The following MAP3K2 variants were observed in gnomAD, a reference collection of about 807,000 sequenced individuals.
MAP3K2 encodes MAP/ERK kinase kinase 2.
A neutral mutation model predicts 80.3 loss-of-function variants in MAP3K2; 24 were observed. The observed-to-expected ratio is 0.30, with a 90% CI of 0.22 to 0.42. MAP3K2 has a LOEUF of 0.42. Ranked by LOEUF, MAP3K2 falls within the 10% of genes least tolerant of loss-of-function variation. MAP3K2 has a pLI of 1.00. For missense variants in MAP3K2, 608 were observed against 750.1 expected (o/e 0.81, Z 2.21); for synonymous variants, 244 against 253.7 (o/e 0.96, Z 0.36).
intron 12 of MAP3K2, among the ~76,000 whole-genome samples, chr2:127,320,131 A>G (rs963097394): frequency 6.6e-6 from 1 of 152,212 alleles, no homozygotes; most frequent in Non-Finnish European, 1.5e-5. Flanking sequence ...GACACAAAAA[A>G]GCAACCCTTC....
Position 127,341,213 on chromosome 2 carries a change from T to C in MAP3K2, c.4+1913A>G, listed in dbSNP as rs533363492. Among the ~76,000 whole-genome samples the C allele has an allele frequency of 1.5e-3, 234 of 151,828 alleles. 1 individual carries two copies. Among genetic ancestry groups the C allele is most frequent in the African/African-American group, 5.2e-3 (216 of 41,398 alleles). On this transcript the variant is annotated intron_variant, in intron 2 of 16. Transcript: ENST00000682094. ...ACCGAGTTAGCCAGGTTGGTCTCGA[T>C]CTCCCGGCCTCGTGATCCGCCTGCC...
Position 127,378,024 on chromosome 2 carries a change from A to T in MAP3K2, c.-66+9428T>A, listed in dbSNP as rs1687179231. The T allele has an allele frequency of 3.1e-5, 7 of 226,200 alleles. No individual in the cohort carries two copies. The South Asian group carries it at 7.9e-4, about 26-fold the overall frequency. The allele number at this position is 226,200 out of a possible 1,614,324, so 14.0% of individuals were successfully genotyped here. Reference sequence around the variant, plus strand: ...AGCAACAAAAACTGTGAGACAAAAAATATTTTTAATAGATACTAGAGGGAA... The same window carrying T: ...AGCAACAAAAACTGTGAGACAAAAATTATTTTTAATAGATACTAGAGGGAA... On this transcript the variant is annotated intron_variant, in intron 1 of 16. Coordinates refer to ENST00000682094, the MANE Select transcript of MAP3K2 (RefSeq NM_001371910.2).
intron 1 of MAP3K2, among the ~76,000 whole-genome samples, chr2:127,380,973 G>A (rs1184198956): frequency 1.3e-5 from 2 of 152,184 alleles, no homozygotes; most frequent in African/African-American, 4.8e-5. Flanking sequence ...ATTCATAAAT[G>A]TTTACTAAAG....
intron 1 of MAP3K2, among the ~76,000 whole-genome samples, chr2:127,370,302 C>G (rs914618343): frequency 6.6e-6 from 1 of 152,222 alleles, no homozygotes; most frequent in African/African-American, 2.4e-5. Flanking sequence ...CCCACTCTTT[C>G]ACTGGCTTCC....
intron 1 of MAP3K2, 54 bp downstream of exon 1, chr2:127,387,398 G>GCGCACACACACACACACACACACACACA: frequency 2.6e-5 from 5 of 189,654 alleles, no homozygotes; most frequent in African/African-American, 1.4e-4. Flanking sequence ...ACACACGCGC[G>GCGCACACACACACACACACACACACACA]CACACACACA....
At chr2:127,317,935 A>T (rs955877408) in intron 13 of MAP3K2, among the ~76,000 whole-genome samples, 175 bp from the exon 14 acceptor site, 2 of 152,316 alleles carry the variant, frequency 1.3e-5, no homozygotes, top group African/African-American at 4.8e-5. Flanking sequence ...TGCTAAAGCA[A>T]CACTGACTCA....
At chr2:127,317,598 T>C (rs973207826) in intron 14 of MAP3K2, 31 bp downstream of exon 14, 4 of 1,484,648 alleles carry the variant, frequency 2.7e-6, no homozygotes, top group East Asian at 2.5e-5. Flanking sequence ...TTAAATAGAA[T>C]GTGTATTTTC....
intron 1 of MAP3K2, among the ~76,000 whole-genome samples, chr2:127,360,393 T>C (rs1686864629): frequency 6.6e-6 from 1 of 151,338 alleles, no homozygotes; most frequent in African/African-American, 2.4e-5. Context: ...AAGCAGATCA[T>C]TGGTTATCTA....
chr2:127,386,480 C>T (rs190329787), intron 1 of MAP3K2, among the ~76,000 whole-genome samples: 1 of 152,142 alleles, frequency 6.6e-6, no homozygotes, highest in Non-Finnish European at 1.5e-5. Context: ...AATTTTGCAA[C>T]AAGGAAATCT....
Position 127,387,807 on chromosome 2 carries a change from C to G in MAP3K2, c.-421G>C. 1.0e-6 allele frequency: 1 copy of G among 985,160 alleles called. No individual in the cohort carries two copies. The highest frequency in any genetic ancestry group is 1.2e-6 in the Non-Finnish European group (1 of 829,796). The allele number at this position is 985,160 out of a possible 1,614,324, so 61.0% of individuals were successfully genotyped here. A position where few individuals can be genotyped will look rare whatever the true frequency, so the allele number is the denominator to read the frequency against. On this transcript the variant is annotated 5_prime_UTR_variant, in exon 1 of 17. Transcript: ENST00000682094. ...GCGTCGCTAGAGACCGGAGAAGAGG[C>G]GGGAGTGGCGACTCTGCGGACAGGG...
intron 1 of MAP3K2, among the ~76,000 whole-genome samples, chr2:127,385,203 C>G (rs1272539122): frequency 5.3e-5 from 8 of 152,112 alleles, no homozygotes; most frequent in Non-Finnish European, 2.9e-5. Context: ...TCCATCGATG[C>G]GGCAAACTTC....
chr2:127,328,180 C>T (rs923430516), intron 7 of MAP3K2, among the ~76,000 whole-genome samples: 1 of 152,178 alleles, frequency 6.6e-6, no homozygotes, highest in African/African-American at 2.4e-5. Context: ...GAGGCTGAGG[C>T]AGGAGAATCA....
chr2:127,355,648 G>A (rs1237322433), intron 1 of MAP3K2, among the ~76,000 whole-genome samples: 1 of 152,124 alleles, frequency 6.6e-6, no homozygotes, highest in South Asian at 2.1e-4. Context: ...GGGTGGTGGT[G>A]GTTGCTGAAG....
chr2:127,378,471 T>A (rs1687186888), intron 1 of MAP3K2, among the ~76,000 whole-genome samples: 1 of 152,190 alleles, frequency 6.6e-6, no homozygotes, highest in African/African-American at 2.4e-5. Context: ...TATGTTCCCA[T>A]CAACTTACCG....
chr2:127,349,461 C>T (rs920903117), intron 1 of MAP3K2, among the ~76,000 whole-genome samples: 4 of 152,048 alleles, frequency 2.6e-5, no homozygotes, highest in East Asian at 1.9e-4. Flanking sequence ...AGCCTGGTCT[C>T]GAGAAAGTGC....
At chr2:127,329,510 C>G (rs771542661) in intron 7 of MAP3K2, among the ~76,000 whole-genome samples, 1 of 152,176 alleles carries the variant, frequency 6.6e-6, no homozygotes, top group Non-Finnish European at 1.5e-5. Flanking sequence ...GCATGCACCA[C>G]CACGCCCAGC....
intron 1 of MAP3K2, among the ~76,000 whole-genome samples, chr2:127,348,335 C>T (rs1164008348): frequency 6.6e-6 from 1 of 152,056 alleles, no homozygotes; most frequent in East Asian, 1.9e-4. Context: ...TTGCAGTGAG[C>T]CCACATTACG....
At chr2:127,378,949 C>G (rs1488498767) in intron 1 of MAP3K2, among the ~76,000 whole-genome samples, 1 of 150,564 alleles carries the variant, frequency 6.6e-6, no homozygotes, top group Non-Finnish European at 1.5e-5. Context: ...TGTGTGCTAT[C>G]ACGTCTGGCT....
At chr2:127,355,757 G>A (rs1686786278) in intron 1 of MAP3K2, among the ~76,000 whole-genome samples, 1 of 152,054 alleles carries the variant, frequency 6.6e-6, no homozygotes, top group Non-Finnish European at 1.5e-5. Context: ...TTCCTTTCAT[G>A]AAAAATTTTA....
Sources: gnomAD v4.1 joint callset for allele counts (sites outside exome capture counted in the v4.1 genomes callset) on GRCh38, gnomAD v4.1.1 for gene constraint, MANE v1.5 for transcripts, NCBI Gene and HGNC (gene_info 2026-07-23, HGNC 2026-07-21) for gene names.